Variants in ZMYND8 observed in about 807,000 individuals in gnomAD.
The protein encoded by ZMYND8 is zinc finger MYND-type containing 8, also known as MYND-type zinc finger-containing chromatin reader ZMYND8.
ZMYND8 carries 37 observed loss-of-function variants against 140.8 expected under a neutral mutation model. The ratio of observed to expected loss-of-function variants is 0.26; its 90% CI spans 0.20 to 0.35. The LOEUF (loss-of-function observed/expected upper bound fraction) is 0.35, where lower values mean the gene tolerates loss of function less well. Among genes scored for constraint, ZMYND8 ranks in the 10% least tolerant of loss-of-function variants. The pLI is 1.00. For synonymous variants in ZMYND8, 592 were observed against 597.1 expected (o/e 0.99, Z 0.12); for missense variants, 1,068 against 1,570.0 (o/e 0.68, Z 5.40).
At chr20:47,239,395 C>G (rs2039662984) in intron 14 of ZMYND8, among the ~76,000 whole-genome samples, 5 of 152,232 alleles carry the variant, frequency 3.3e-5, no homozygotes, top group Admixed American at 3.3e-4. Context: ...AAGTCAAGAC[C>G]TCTAGGGGAG....
intron 12 of ZMYND8, among the ~76,000 whole-genome samples, chr20:47,251,033 AG>A (rs66710917): frequency 0.22 from 32,687 of 150,868 alleles, 4,500 homozygotes; most frequent in African/African-American, 0.39. Flanking sequence ...TTTTTTTTGA[AG>A]GAAAAAAAAG....
intron 16 of ZMYND8, 134 bp downstream of exon 16, chr20:47,236,192 T>C: frequency 1.9e-6 from 2 of 1,036,016 alleles, no homozygotes. Flanking sequence ...TTGGAGATTC[T>C]GTTTTTAAAA....
chr20:47,212,791 G>A, intron 21 of ZMYND8, 66 bp from the exon 22 acceptor site: 1 of 1,435,020 alleles, frequency 7.0e-7, no homozygotes, highest in Non-Finnish European at 9.5e-7. Context: ...AACCCCAAGT[G>A]CTTACTATTT....
intron 1 of ZMYND8, chr20:47,348,299 T>A (rs1055410088): frequency 1.1e-5 from 3 of 280,946 alleles, no homozygotes; most frequent in African/African-American, 6.8e-5. Context: ...AGGTTGGAGG[T>A]GTTTTGCAGG....
chr20:47,254,553 G>C (rs1418544275), intron 12 of ZMYND8, among the ~76,000 whole-genome samples: 1 of 152,206 alleles, frequency 6.6e-6, no homozygotes, highest in Non-Finnish European at 1.5e-5. Context: ...TCTGTGTGTT[G>C]ATATGAAAAG....
At chr20:47,225,650 C>A (rs2037614143) in intron 18 of ZMYND8, among the ~76,000 whole-genome samples, 1 of 133,824 alleles carries the variant, frequency 7.5e-6, no homozygotes, top group South Asian at 2.6e-4. Flanking sequence ...TCTTCCTGAA[C>A]TTTATAAAGT....
chr20:47,316,661 G>A (rs1173762786), intron 2 of ZMYND8, among the ~76,000 whole-genome samples: 1 of 151,772 alleles, frequency 6.6e-6, no homozygotes, highest in Non-Finnish European at 1.5e-5. Context: ...CAGGAGTGGT[G>A]GTGTGCGCCT....
intron 7 of ZMYND8, among the ~76,000 whole-genome samples, chr20:47,287,499 C>A (rs903461339): frequency 6.6e-6 from 1 of 152,188 alleles, no homozygotes; most frequent in Non-Finnish European, 1.5e-5. Context: ...ATGTCATCTT[C>A]TCTGCAACTG....
intron 13 of ZMYND8, among the ~76,000 whole-genome samples, chr20:47,247,338 C>T (rs983500381): frequency 2.0e-5 from 3 of 152,184 alleles, no homozygotes; most frequent in Admixed American, 1.3e-4. Flanking sequence ...CCAGGTGACC[C>T]GGGTGCCCAG....
chr20:47,313,559 T>C lies in ZMYND8; in HGVS notation c.86-3355A>G, dbSNP rs180832603. 3.0e-4 allele frequency among the ~76,000 whole-genome samples: 46 copies of C among 151,486 alleles called. 2 individuals carry two copies. The East Asian group carries it at 8.4e-3, about 28-fold the overall frequency. ...ATGGCGTGAACCTGGGAGGCGGAGC[T>C]TGCAGTGAGCCAAGATCGCACCACT... On this transcript the variant is annotated intron_variant, in intron 2 of 22. Coordinates refer to ENST00000471951, the MANE Select transcript of ZMYND8 (RefSeq NM_001281775.3).
intron 2 of ZMYND8, among the ~76,000 whole-genome samples, chr20:47,321,266 TCAAA>T (rs909491202): frequency 7.2e-5 from 11 of 152,162 alleles, no homozygotes; most frequent in Admixed American, 5.2e-4. Context: ...GCCCCCATCA[TCAAA>T]CAAACACTTT....
At chr20:47,351,539 T>C (rs2082781298) in intron 1 of ZMYND8, among the ~76,000 whole-genome samples, 1 of 152,174 alleles carries the variant, frequency 6.6e-6, no homozygotes, top group Non-Finnish European at 1.5e-5. Context: ...ACCAAAATGG[T>C]CCAGGCTGTA....
At chr20:47,307,492 C>G (rs913741886) in intron 3 of ZMYND8, among the ~76,000 whole-genome samples, 1 of 151,900 alleles carries the variant, frequency 6.6e-6, no homozygotes, top group Non-Finnish European at 1.5e-5. Context: ...AAAGGGACAC[C>G]GGAAAGCCCA....
chr20:47,354,859 G>A (rs1446629683), intron 1 of ZMYND8, among the ~76,000 whole-genome samples: 1 of 152,184 alleles, frequency 6.6e-6, no homozygotes, highest in Non-Finnish European at 1.5e-5. Flanking sequence ...CAAGGGAAAT[G>A]TAAAAAGTGA....
At chr20:47,283,805 C>T (rs992191359) in intron 8 of ZMYND8, among the ~76,000 whole-genome samples, 157 bp from the exon 9 acceptor site, 2 of 152,330 alleles carry the variant, frequency 1.3e-5, no homozygotes, top group South Asian at 2.1e-4. Flanking sequence ...GCTCCCAATG[C>T]TTCCACCCAG....
intron 2 of ZMYND8, among the ~76,000 whole-genome samples, chr20:47,323,861 C>T (rs1306252893): frequency 2.0e-5 from 3 of 152,120 alleles, no homozygotes; most frequent in African/African-American, 7.2e-5. Context: ...GGTTACTTCA[C>T]CTCTCTGAGC....
intron 5 of ZMYND8, among the ~76,000 whole-genome samples, chr20:47,293,144 AAGGAAGGGAGGGAGGGAGGGAGGGAGGG>A (rs1302424849): frequency 0.036 from 1,227 of 34,280 alleles, 33 homozygotes; most frequent in East Asian, 0.31. Flanking sequence ...GGAAGGAAGG[AAGGAAGGGAGGGAGGGAGGGAGGGAGGG>A]AGGGAGGGAG....
chr20:47,333,371 G>A (rs995049271), intron 2 of ZMYND8, among the ~76,000 whole-genome samples: 1 of 151,754 alleles, frequency 6.6e-6, no homozygotes, highest in South Asian at 2.1e-4. Flanking sequence ...AGAGACTGAG[G>A]GAGGCAGATC....
In ZMYND8 at chr20:47,298,995, T is replaced by C. The variant is rs767003013; in HGVS notation, c.235-48A>G. ...GGTTTGGTTTCAAAACAAATGTGCA[T>C]TCTCAAAAGGAATTTGAACAAGTAC... On this transcript the variant is annotated intron_variant, in intron 3 of 22. Coordinates refer to ENST00000471951, the MANE Select transcript of ZMYND8 (RefSeq NM_001281775.3). The surrounding 1 kb of genome is among the most constrained non-coding windows in gnomAD (Gnocchi z 5.0). The C allele has an allele frequency of 3.2e-6, 5 of 1,567,768 alleles. No individual in the cohort carries two copies. The South Asian group carries it at 3.3e-5, about 10-fold the overall frequency.
Sources: allele counts gnomAD v4.1 joint callset (sites outside exome capture counted in the v4.1 genomes callset), GRCh38; gene constraint gnomAD v4.1.1; non-coding constraint Gnocchi (gnomAD v3.1); transcripts MANE v1.5; gene names NCBI Gene and HGNC (gene_info 2026-07-23, HGNC 2026-07-21).